The following TMEM132C variants were observed in gnomAD, a reference collection of about 807,000 sequenced individuals.
TMEM132C encodes the protein transmembrane protein 132C, also known as protein phosphatase 1, regulatory subunit 152.
A neutral mutation model predicts 61.4 loss-of-function variants in TMEM132C; 29 were observed. The observed-to-expected ratio is 0.47, with a 90% CI of 0.35 to 0.64. The LOEUF (loss-of-function observed/expected upper bound fraction) is 0.64, where lower values mean the gene tolerates loss of function less well. Among genes scored for constraint, TMEM132C ranks in the 30% least tolerant of loss-of-function variants. The probability of loss-of-function intolerance (pLI) is 0.00; values close to 1 mark genes in which losing one functional copy is unlikely to be tolerated. For synonymous variants in TMEM132C, 656 were observed against 633.1 expected, an observed-to-expected ratio of 1.04 and a Z score of -0.54; for missense variants, 1,408 against 1,476.9, an observed-to-expected ratio of 0.95 and a Z score of 0.76.
intron 1 of TMEM132C, among the ~76,000 whole-genome samples, chr12:128,348,223 T>C (rs1452068995): frequency 6.6e-6 from 1 of 152,242 alleles, no homozygotes; most frequent in Non-Finnish European, 1.5e-5. Context: ...ATTTTCTTCA[T>C]TTCATTTTGG....
At chr12:128,506,956 A>C (rs1357892871) in intron 2 of TMEM132C, among the ~76,000 whole-genome samples, 1 of 152,174 alleles carries the variant, frequency 6.6e-6, no homozygotes, top group African/African-American at 2.4e-5. Flanking sequence ...AGCATTGTGA[A>C]CTAGTGGTGG....
intron 1 of TMEM132C, among the ~76,000 whole-genome samples, chr12:128,353,522 G>A (rs1873405653): frequency 6.6e-6 from 1 of 152,194 alleles, no homozygotes; most frequent in East Asian, 1.9e-4. Flanking sequence ...GCTGAGGACA[G>A]GTCAACAAAG....
chr12:128,322,472 T>C (rs1267511793), intron 1 of TMEM132C, among the ~76,000 whole-genome samples: 1 of 152,258 alleles, frequency 6.6e-6, no homozygotes, highest in Non-Finnish European at 1.5e-5. Context: ...AATAAGTTAC[T>C]GGACTACCTT....
intron 1 of TMEM132C, among the ~76,000 whole-genome samples, chr12:128,346,138 T>C (rs1015475091): frequency 2.0e-5 from 3 of 152,144 alleles, no homozygotes; most frequent in Non-Finnish European, 4.4e-5. Flanking sequence ...CCACTTACCC[T>C]AGCACTAATT....
In TMEM132C at chr12:128,705,195, G is replaced by A. The variant is rs1954827736; in HGVS notation, c.2227G>A (p.Ala743Thr). The change falls in exon 9 of 9, where the codon GCT (alanine) becomes ACT (threonine). Residue 743 changes from alanine (A) to threonine (T), a missense_variant. Coordinates refer to ENST00000435159, the MANE Select transcript of TMEM132C (RefSeq NM_001136103.3). ...FSLAATSQDE[A>T]VVSVPQPRSP... ...CCTGGCAGCCACCTCCCAGGACGAG[G>A]CTGTCGTGTCAGTCCCCCAGCCCCG... 1 of 1,551,578 alleles carries A rather than the reference G, an allele frequency of 6.4e-7. No homozygotes were observed. Among genetic ancestry groups the A allele is most frequent in the Admixed American group, 2.0e-5 (1 of 50,984 alleles).
At chr12:128,331,509 G>C (rs923398172) in intron 1 of TMEM132C, among the ~76,000 whole-genome samples, 2 of 152,292 alleles carry the variant, frequency 1.3e-5, no homozygotes, top group Admixed American at 6.5e-5. Context: ...ATGAGTAGAA[G>C]ATGTGATATT....
At chr12:128,682,721 G>A (rs1034460305) in intron 5 of TMEM132C, among the ~76,000 whole-genome samples, 20 of 152,200 alleles carry the variant, frequency 1.3e-4, no homozygotes, top group African/African-American at 4.8e-4. Flanking sequence ...CTCTGTCACA[G>A]TTTTCCAGAG....
intron 1 of TMEM132C, among the ~76,000 whole-genome samples, chr12:128,305,606 G>A (rs1374477917): frequency 6.6e-6 from 1 of 151,716 alleles, no homozygotes; most frequent in African/African-American, 2.4e-5. Context: ...TTAAACAGTG[G>A]GCATTAGATG....
chr12:128,639,174 A>ATGG, intron 4 of TMEM132C, among the ~76,000 whole-genome samples: 1 of 121,776 alleles, frequency 8.2e-6, no homozygotes, highest in African/African-American at 2.8e-5. Context: ...GGTGATGGTG[A>ATGG]TGATGGTGGT....
At chr12:128,425,228 A>C (rs1269351609) in intron 2 of TMEM132C, among the ~76,000 whole-genome samples, 1 of 152,220 alleles carries the variant, frequency 6.6e-6, no homozygotes, top group Non-Finnish European at 1.5e-5. Context: ...CGCAGTTCTG[A>C]TGCAAACTCC....
At chr12:128,435,515 C>CAGAG (rs1255932376) in intron 2 of TMEM132C, among the ~76,000 whole-genome samples, 1 of 152,000 alleles carries the variant, frequency 6.6e-6, no homozygotes, top group Non-Finnish European at 1.5e-5. Context: ...AACAGACAAA[C>CAGAG]AGCCAAATCA....
intron 1 of TMEM132C, among the ~76,000 whole-genome samples, chr12:128,351,225 T>C (rs1345783634): frequency 6.6e-6 from 1 of 152,094 alleles, no homozygotes; most frequent in African/African-American, 2.4e-5. Flanking sequence ...TGATATGACC[T>C]GGTTCATTTT....
chr12:128,268,279 G>A (rs2135885015), intron 1 of TMEM132C, among the ~76,000 whole-genome samples: 1 of 152,328 alleles, frequency 6.6e-6, no homozygotes, highest in African/African-American at 2.4e-5. Flanking sequence ...TATGGCGCCC[G>A]CAGGGCTCAC....
chr12:128,314,855 C>T (rs572481253), intron 1 of TMEM132C, among the ~76,000 whole-genome samples: 1 of 152,288 alleles, frequency 6.6e-6, no homozygotes, highest in East Asian at 1.9e-4. Flanking sequence ...TTTTAAGCCA[C>T]TCAGTGTGGG....
At chr12:128,546,186 G>T (rs1873944189) in intron 3 of TMEM132C, among the ~76,000 whole-genome samples, 1 of 152,160 alleles carries the variant, frequency 6.6e-6, no homozygotes, top group Admixed American at 6.5e-5. Context: ...CAAGGGTTGG[G>T]TGTCTGAATC....
chr12:128,427,061 C>A (rs1484887494), intron 2 of TMEM132C, among the ~76,000 whole-genome samples: 1 of 152,176 alleles, frequency 6.6e-6, no homozygotes, highest in Non-Finnish European at 1.5e-5. Flanking sequence ...ATGCTGGGTA[C>A]TCCAGTATTC....
At chr12:128,410,512 C>T (rs902134257) in intron 1 of TMEM132C, among the ~76,000 whole-genome samples, 2 of 152,094 alleles carry the variant, frequency 1.3e-5, no homozygotes, top group Non-Finnish European at 2.9e-5. Context: ...AAGTGATTCT[C>T]CTGCCTCAGC....
At chr12:128,599,572 A>T (rs1416734568) in intron 3 of TMEM132C, among the ~76,000 whole-genome samples, 1 of 152,272 alleles carries the variant, frequency 6.6e-6, no homozygotes, top group Non-Finnish European at 1.5e-5. Flanking sequence ...GTGGCTGCAC[A>T]TAGGGATACC....
chr12:128,405,393 C>G (rs1875306443), intron 1 of TMEM132C, among the ~76,000 whole-genome samples: 1 of 152,288 alleles, frequency 6.6e-6, no homozygotes, highest in Non-Finnish European at 1.5e-5. Context: ...AGGAGTCGTT[C>G]ATGTGGGCAC....
Sources: gnomAD v4.1 joint callset for allele counts (sites outside exome capture counted in the v4.1 genomes callset) on GRCh38, gnomAD v4.1.1 for gene constraint, MANE v1.5 for transcripts, NCBI Gene and HGNC (gene_info 2026-07-23, HGNC 2026-07-21) for gene names.